Variants in CRB1 observed in about 807,000 individuals in gnomAD.
CRB1 encodes the protein protein crumbs homolog 1.
CRB1 carries 83 observed loss-of-function variants against 120.0 expected under a neutral mutation model. The ratio of observed to expected loss-of-function variants is 0.69; its 90% CI spans 0.58 to 0.83. CRB1 has a LOEUF of 0.83. CRB1 is among the 40% of genes least tolerant of loss of function. CRB1 has a pLI of 0.00. For synonymous variants in CRB1, 625 were observed against 612.5 expected (o/e 1.02, Z -0.30); for missense variants, 1,699 against 1,687.6 (o/e 1.01, Z -0.12).
chr1:197,465,802 A>T (rs78061149), intron 11 of CRB1, among the ~76,000 whole-genome samples: 548 of 152,342 alleles, frequency 3.6e-3, no homozygotes, highest in Non-Finnish European at 6.0e-3. Flanking sequence ...AGAAATGGCT[A>T]CTTTTGAGAT....
intron 11 of CRB1, among the ~76,000 whole-genome samples, chr1:197,463,530 T>C (rs1158385913): frequency 6.6e-6 from 1 of 152,152 alleles, no homozygotes; most frequent in African/African-American, 2.4e-5. Flanking sequence ...AATTATGGGG[T>C]AGATTTGGGG....
intron 1 of CRB1, among the ~76,000 whole-genome samples, chr1:197,297,042 A>T (rs1350244236): frequency 6.6e-6 from 1 of 151,948 alleles, no homozygotes; most frequent in Non-Finnish European, 1.5e-5. Flanking sequence ...TTTATTCTCT[A>T]GTCCTATTAG....
intron 1 of CRB1, among the ~76,000 whole-genome samples, chr1:197,276,610 CAG>C (rs1229579660): frequency 6.6e-6 from 1 of 151,704 alleles, no homozygotes; most frequent in Admixed American, 6.6e-5. Context: ...AGATGAGTAA[CAG>C]AGAGCAGCTG....
At chr1:197,451,473 A>G (rs1409352718) in intron 11 of CRB1, among the ~76,000 whole-genome samples, 1 of 152,218 alleles carries the variant, frequency 6.6e-6, no homozygotes, top group Non-Finnish European at 1.5e-5. Context: ...ATGTTATAGT[A>G]AAGAAATGTT....
At chr1:197,353,228 TTGAG>T (rs919445892) in intron 4 of CRB1, among the ~76,000 whole-genome samples, 7 of 152,042 alleles carry the variant, frequency 4.6e-5, no homozygotes, top group Admixed American at 2.0e-4. Context: ...AGTCTGAAAA[TTGAG>T]TAAGAGTTAG....
At chr1:197,472,196 A>G (rs891705540) in intron 11 of CRB1, among the ~76,000 whole-genome samples, 4 of 152,202 alleles carry the variant, frequency 2.6e-5, no homozygotes, top group Non-Finnish European at 4.4e-5. Flanking sequence ...GACACATTCA[A>G]ACATTTTAAC....
intron 1 of CRB1, 68 bp downstream of exon 1, chr1:197,268,550 T>C: frequency 8.7e-7 from 1 of 1,143,716 alleles, no homozygotes; most frequent in East Asian, 2.3e-5. Flanking sequence ...TTACAAATAA[T>C]GGATAATGTT....
chr1:197,429,331 A>G, intron 7 of CRB1, 118 bp from the exon 8 acceptor site: 1 of 1,407,148 alleles, frequency 7.1e-7, no homozygotes, highest in East Asian at 2.3e-5. Flanking sequence ...TTAAAAGTTT[A>G]AAATGTAAAG....
At chr1:197,375,008 T>G (rs780063781) in intron 5 of CRB1, among the ~76,000 whole-genome samples, 19 of 152,196 alleles carry the variant, frequency 1.2e-4, no homozygotes, top group Non-Finnish European at 2.6e-4. Context: ...CTCTTTCACC[T>G]ACCATTTCAG....
chr1:197,419,652 C>T (rs1387508500), intron 5 of CRB1, among the ~76,000 whole-genome samples: 2 of 151,886 alleles, frequency 1.3e-5, no homozygotes, highest in East Asian at 1.9e-4. Flanking sequence ...TGTGAGCTAC[C>T]GAGCATGGCC....
chr1:197,259,506 C>A, the CRB1 span, among the ~76,000 whole-genome samples: 1 of 152,174 alleles, frequency 6.6e-6, no homozygotes, highest in East Asian at 1.9e-4. Context: ...TGGAGGGAAA[C>A]AACATACACC....
At chr1:197,222,666 C>T in the CRB1 span, 1 of 781,628 alleles carries the variant, frequency 1.3e-6, no homozygotes, top group South Asian at 1.3e-5. Flanking sequence ...CACCTTAGGA[C>T]AGCTCCATAA....
intron 5 of CRB1, among the ~76,000 whole-genome samples, chr1:197,418,629 T>A (rs1406479374): frequency 1.3e-5 from 2 of 152,214 alleles, no homozygotes; most frequent in Non-Finnish European, 2.9e-5. Context: ...TAACATTTCA[T>A]ACGTTTGTCT....
At chr1:197,209,741 C>T in the CRB1 span, among the ~76,000 whole-genome samples, 4 of 152,292 alleles carry the variant, frequency 2.6e-5, no homozygotes, top group South Asian at 2.1e-4. Context: ...ACCAAGAATG[C>T]GCATAGGGCT....
At chr1:197,347,606 G>A (rs1439010140) in intron 4 of CRB1, 127 bp downstream of exon 4, 3 of 1,050,914 alleles carry the variant, frequency 2.9e-6, no homozygotes, top group African/African-American at 1.6e-5. Context: ...AGCTAATATT[G>A]TTTAGTTTTA....
At chr1:197,251,188 G>C in the CRB1 span, among the ~76,000 whole-genome samples, 1 of 151,972 alleles carries the variant, frequency 6.6e-6, no homozygotes, top group African/African-American at 2.4e-5. Flanking sequence ...TGTTCAATTT[G>C]CTTAACTTCT....
At chr1:197,473,392 T>C (rs1287539147) in intron 11 of CRB1, among the ~76,000 whole-genome samples, 2 of 152,320 alleles carry the variant, frequency 1.3e-5, no homozygotes, top group South Asian at 2.1e-4. Context: ...AGTCTCACCA[T>C]AGAATACCAT....
chr1:197,415,641 C>CTTTTT (rs55654070), intron 5 of CRB1, among the ~76,000 whole-genome samples: 119 of 94,010 alleles, frequency 1.3e-3, no homozygotes, highest in East Asian at 2.5e-3. Context: ...TTTTTCTTTT[C>CTTTTT]TTTTTTTTTT....
intron 5 of CRB1, among the ~76,000 whole-genome samples, chr1:197,377,004 T>G (rs1489930169): frequency 6.6e-6 from 1 of 152,112 alleles, no homozygotes; most frequent in Non-Finnish European, 1.5e-5. Flanking sequence ...TCCCTTTACC[T>G]AAAAGACTAC....
Sources: gnomAD v4.1 joint callset for allele counts (sites outside exome capture counted in the v4.1 genomes callset) on GRCh38, gnomAD v4.1.1 for gene constraint, MANE v1.5 for transcripts, NCBI Gene and HGNC (gene_info 2026-07-23, HGNC 2026-07-21) for gene names.